PROX1: variants seen among roughly 807,000 people sequenced by gnomAD.
PROX1 encodes the protein prospero homeobox protein 1.
PROX1 carries 7 observed loss-of-function variants against 58.8 expected under a neutral mutation model. The observed-to-expected ratio is 0.12, with a 90% CI of 0.07 to 0.22. The LOEUF is 0.22. Among genes scored for constraint, PROX1 ranks in the 10% least tolerant of loss-of-function variants. PROX1 has a pLI of 1.00. For synonymous variants in PROX1, 350 were observed against 358.3 expected (o/e 0.98, Z 0.26); for missense variants, 675 against 927.8 (o/e 0.73, Z 3.54).
intron 1 of PROX1, among the ~76,000 whole-genome samples, chr1:213,994,793 ATATATATAT>A (rs1558167628): frequency 1.3e-4 from 12 of 89,142 alleles, no homozygotes; most frequent in African/African-American, 4.6e-4. Flanking sequence ...ATATATATAT[ATATATATAT>A]AAAGAGGTAT....
intron 4 of PROX1, among the ~76,000 whole-genome samples, chr1:214,013,624 G>A (rs1335194699): frequency 2.0e-5 from 3 of 152,146 alleles, no homozygotes; most frequent in Non-Finnish European, 4.4e-5. Context: ...CTACCCACAG[G>A]CCAGGGGCCA....
intron 4 of PROX1, among the ~76,000 whole-genome samples, chr1:214,022,498 A>G (rs1032263079): frequency 9.2e-5 from 14 of 152,226 alleles, no homozygotes; most frequent in Admixed American, 7.2e-4. Flanking sequence ...ATTGGAACAT[A>G]TATTCAACGT....
chr1:214,025,270 T>G (rs1271070793), intron 4 of PROX1, among the ~76,000 whole-genome samples: 1 of 152,172 alleles, frequency 6.6e-6, no homozygotes, highest in Admixed American at 6.5e-5. Flanking sequence ...ACAGGTCGAA[T>G]TCAAGTGAAT....
At chr1:214,011,105 A>G (rs1477850592) in intron 3 of PROX1, among the ~76,000 whole-genome samples, 1 of 152,196 alleles carries the variant, frequency 6.6e-6, no homozygotes, top group Admixed American at 6.5e-5. Context: ...ATATCAAACT[A>G]GTGGTAGAGT....
chr1:214,040,499 G>A lies in PROX1; in HGVS notation c.*4665G>A, dbSNP rs1424356057. 3.3e-5 allele frequency: 5 copies of A among 151,922 alleles called. No homozygotes were observed. The highest frequency in any genetic ancestry group is 6.6e-5 in the Admixed American group (1 of 15,254). The allele number at this position is 151,922 out of a possible 1,614,324, so 9.4% of individuals were successfully genotyped here. The stretch of plus-strand genomic sequence containing the variant: ...AAAATATTTTAAAATTGTATATTAC[G>A]ACTTCAAATTTAGAACTAAGAAAAA... On this transcript the variant is annotated 3_prime_UTR_variant, in exon 5 of 5. Transcript: ENST00000366958.
rs554956737 is a variant in PROX1, at chr1:213,990,734, A to G, written c.-68+2251A>G. On this transcript the variant is annotated intron_variant, in intron 1 of 4. Coordinates refer to ENST00000366958, the MANE Select transcript of PROX1 (RefSeq NM_001270616.2). The stretch of plus-strand genomic sequence containing the variant: ...TGTGTGGTGTATGCTTTGGATAGCA[A>G]TGAGTGGTGTGTAACTGCCAAGAAT... Among the ~76,000 whole-genome samples the G allele has an allele frequency of 3.9e-3, 579 of 149,318 alleles. 6 individuals are homozygous for G. The highest frequency in any genetic ancestry group is 0.014 in the African/African-American group (554 of 40,332).
In PROX1 at chr1:214,026,790, G is replaced by C. The variant is rs1418004652; in HGVS notation, c.2029-8859G>C. ...GTGGTCAGAGAAGTCTGTGTGAGGGGTTTGGCCGGTAGCAGCCCCCCAGAT... is the reference window on the plus strand; with the variant it reads ...GTGGTCAGAGAAGTCTGTGTGAGGGCTTTGGCCGGTAGCAGCCCCCCAGAT... On this transcript the variant is annotated intron_variant, in intron 4 of 4. Coordinates refer to ENST00000366958, the MANE Select transcript of PROX1 (RefSeq NM_001270616.2). 3.9e-5 allele frequency among the ~76,000 whole-genome samples: 6 copies of C among 152,266 alleles called. No homozygotes were observed. In the East Asian group the frequency reaches 1.2e-3, roughly 29 times the overall value.
intron 4 of PROX1, among the ~76,000 whole-genome samples, chr1:214,016,509 GT>G (rs1293666075): frequency 3.3e-5 from 5 of 152,134 alleles, no homozygotes; most frequent in Non-Finnish European, 7.3e-5. Flanking sequence ...CTGCTGAGCC[GT>G]TTAAATAATC....
chr1:214,017,149 T>C (rs1664124761), intron 4 of PROX1, among the ~76,000 whole-genome samples: 1 of 152,096 alleles, frequency 6.6e-6, no homozygotes, highest in South Asian at 2.1e-4. Context: ...CATATCAAAG[T>C]TCAGAGGAGC....
In PROX1 at chr1:214,011,425, G is replaced by A. The variant is rs1397365171; in HGVS notation, c.1834-96G>A. On this transcript the variant is annotated intron_variant, in intron 3 of 4. Coordinates refer to ENST00000366958, the MANE Select transcript of PROX1 (RefSeq NM_001270616.2). ...TTAAATACGTATCTTTCCAAGTAAA[G>A]AAGGGACGGGAACATTAAAAATGCT... 4 of 1,152,734 alleles carry A rather than the reference G, an allele frequency of 3.5e-6. No homozygotes were observed. In the African/African-American group the frequency reaches 6.2e-5, roughly 18 times the overall value. The allele number at this position is 1,152,734 out of a possible 1,614,324, so 71.4% of individuals were successfully genotyped here. A position where few individuals can be genotyped will look rare whatever the true frequency, so the allele number is the denominator to read the frequency against.
At chr1:214,033,964 G>A (rs889806713) in intron 4 of PROX1, among the ~76,000 whole-genome samples, 8 of 152,274 alleles carry the variant, frequency 5.3e-5, no homozygotes, top group Admixed American at 1.3e-4. Context: ...CATTCATGGC[G>A]GACAAGGCGG....
chr1:213,993,362 A>G (rs1051817278), intron 1 of PROX1, among the ~76,000 whole-genome samples: 2 of 152,226 alleles, frequency 1.3e-5, no homozygotes, highest in Non-Finnish European at 2.9e-5. Flanking sequence ...ATATGCATCA[A>G]TAATAATTGC....
At position 214,012,907 on chromosome 1, in the gene PROX1, A is replaced by C. The variant is rs552332036; in HGVS notation, c.2028+1192A>C. On this transcript the variant is annotated intron_variant, in intron 4 of 4. Coordinates refer to ENST00000366958, the MANE Select transcript of PROX1 (RefSeq NM_001270616.2). The stretch of plus-strand genomic sequence containing the variant: ...CTGTCAATTAAGGGGTCTGACCCCT[A>C]GTACTCTTCCTGCTTGCCCCCCTCC... 4.6e-5 allele frequency among the ~76,000 whole-genome samples: 7 copies of C among 152,308 alleles called. No individual in the cohort carries two copies. The South Asian group carries it at 1.2e-3, about 27-fold the overall frequency.
chr1:213,998,331 A>G lies in PROX1; in HGVS notation c.1725+71A>G, dbSNP rs1663364163. ...TTTCCCAAAAGGTTGGGTTTACACA[A>G]TATCTAGAGTAATGTAGATTAGTAT... On this transcript the variant is annotated intron_variant, in intron 2 of 4. Transcript: ENST00000366958. 2.7e-5 allele frequency: 40 copies of G among 1,472,660 alleles called. No individual in the cohort carries two copies. The East Asian group carries it at 8.9e-4, about 33-fold the overall frequency. The allele number at this position is 1,472,660 out of a possible 1,614,324, so 91.2% of individuals were successfully genotyped here.
At chr1:214,022,143 C>T (rs1186473946) in intron 4 of PROX1, among the ~76,000 whole-genome samples, 5 of 152,206 alleles carry the variant, frequency 3.3e-5, no homozygotes, top group African/African-American at 1.2e-4. Flanking sequence ...GTAGGACTTA[C>T]AGCATGGACT....
At position 214,005,153 on chromosome 1, in the gene PROX1, A is replaced by G. The variant is rs778778344; in HGVS notation, c.1726-12A>G. The G allele has an allele frequency of 2.5e-5, 40 of 1,608,272 alleles. No homozygotes were observed. The highest frequency in any genetic ancestry group is 3.1e-5 in the Non-Finnish European group (36 of 1,174,928). ...TTACAGAATTGCTTTTCCTTAACCA[A>G]TTGCATCCTACATGCAGGAAGGATT... On this transcript the variant is annotated splice_polypyrimidine_tract_variant and intron_variant, in intron 2 of 4. Transcript: ENST00000366958.
At chr1:213,983,772 A>G (rs1273487800), upstream of PROX1, 1 of 152,212 alleles carries the variant, frequency 6.6e-6, no homozygotes, top group Non-Finnish European at 1.5e-5. Flanking sequence ...TATGGACTGA[A>G]GAAGACAAAG....
chr1:213,989,323 G>T (rs1456782915), intron 1 of PROX1, among the ~76,000 whole-genome samples: 2 of 151,890 alleles, frequency 1.3e-5, no homozygotes, highest in Admixed American at 1.3e-4. Flanking sequence ...AGGCGGCACC[G>T]GGAGGCTCGG....
At chr1:213,986,461 T>G (rs1311813175), upstream of PROX1, 1 of 152,186 alleles carries the variant, frequency 6.6e-6, no homozygotes, top group African/African-American at 2.4e-5. Flanking sequence ...ATATCCTCTT[T>G]ACGGTTTGGT....
Sources: allele counts gnomAD v4.1 joint callset (sites outside exome capture counted in the v4.1 genomes callset), GRCh38; gene constraint gnomAD v4.1.1; transcripts MANE v1.5; gene names NCBI Gene and HGNC (gene_info 2026-07-23, HGNC 2026-07-21).